The following MEIS1 variants were observed in gnomAD, a reference collection of about 807,000 sequenced individuals.
MEIS1 encodes the protein homeobox protein Meis1.
Under a neutral mutation model 50.8 loss-of-function variants are expected in MEIS1, and 5 were observed. The observed-to-expected ratio is 0.10, with a 90% CI of 0.05 to 0.21. The LOEUF (loss-of-function observed/expected upper bound fraction) is 0.21. MEIS1 is among the 10% of genes least tolerant of loss of function. The probability of loss-of-function intolerance (pLI) is 1.00; values close to 1 mark genes in which losing one functional copy is unlikely to be tolerated. For missense variants in MEIS1, 318 were observed against 517.3 expected (o/e 0.61, Z 3.74); for synonymous variants, 176 against 179.3 (o/e 0.98, Z 0.15).
chr2:66,497,796 G>GT (rs1197175147), intron 7 of MEIS1, among the ~76,000 whole-genome samples: 1 of 152,132 alleles, frequency 6.6e-6, no homozygotes, highest in African/African-American at 2.4e-5. Context: ...CAGAGGGTGA[G>GT]TTATCATAAA....
chr2:66,457,171 T>C (rs1030248827), intron 6 of MEIS1, among the ~76,000 whole-genome samples: 7 of 151,942 alleles, frequency 4.6e-5, no homozygotes, highest in Non-Finnish European at 1.0e-4. Flanking sequence ...ATTTTTTTTT[T>C]TTTTTTTTAG....
chr2:66,471,273 T>C (rs1672755263), intron 7 of MEIS1, among the ~76,000 whole-genome samples: 1 of 152,268 alleles, frequency 6.6e-6, no homozygotes, highest in South Asian at 2.1e-4. Context: ...TTTTTATTTA[T>C]GTGTGAATTC....
At chr2:66,557,732 A>AT (rs1675101741) in intron 9 of MEIS1, among the ~76,000 whole-genome samples, 1 of 152,188 alleles carries the variant, frequency 6.6e-6, no homozygotes, top group Non-Finnish European at 1.5e-5. Context: ...AAGCGTTCAT[A>AT]TACAAGTTTT....
chr2:66,513,289 G>A (rs899310586), intron 8 of MEIS1, among the ~76,000 whole-genome samples: 4 of 152,060 alleles, frequency 2.6e-5, no homozygotes, highest in South Asian at 2.1e-4. Flanking sequence ...AAAATATTTT[G>A]TGTTACTATT....
At chr2:66,509,127 C>A in intron 7 of MEIS1, 1 of 456,748 alleles carries the variant, frequency 2.2e-6, no homozygotes, top group Middle Eastern at 3.3e-4. Flanking sequence ...GCTAAAGGTA[C>A]AATTGACCAT....
intron 7 of MEIS1, among the ~76,000 whole-genome samples, chr2:66,475,278 A>G (rs1441093266): frequency 6.8e-6 from 1 of 146,362 alleles, no homozygotes; most frequent in South Asian, 2.1e-4. Context: ...AATATATTAT[A>G]TATAAAAATA....
intron 2 of MEIS1, chr2:66,439,449 A>G: frequency 7.3e-7 from 1 of 1,363,618 alleles, no homozygotes; most frequent in Non-Finnish European, 9.4e-7. Context: ...GCCCTCCCCA[A>G]CTCTCCGCCC....
chr2:66,464,015 C>G, intron 6 of MEIS1, 94 bp from the exon 7 acceptor site: 1 of 858,584 alleles, frequency 1.2e-6, no homozygotes, highest in Non-Finnish European at 1.9e-6. Flanking sequence ...TTATGTGCTC[C>G]AGCCCTCCAT....
intron 7 of MEIS1, among the ~76,000 whole-genome samples, chr2:66,511,081 G>A (rs77279488): frequency 0.045 from 6,838 of 152,082 alleles, 242 homozygotes; most frequent in East Asian, 0.13. Flanking sequence ...TCAACCTGTC[G>A]GTTTCTAAGA....
At chr2:66,477,683 AG>A (rs1393908616) in intron 7 of MEIS1, among the ~76,000 whole-genome samples, 2 of 152,222 alleles carry the variant, frequency 1.3e-5, no homozygotes, top group African/African-American at 4.8e-5. Flanking sequence ...TCTGAAAATG[AG>A]GTGACTTCCC....
intron 7 of MEIS1, among the ~76,000 whole-genome samples, chr2:66,505,566 C>T (rs1386425496): frequency 6.6e-6 from 1 of 151,984 alleles, no homozygotes; most frequent in East Asian, 1.9e-4. Context: ...GAAGTTTGAG[C>T]TGAGGATCAA....
intron 8 of MEIS1, among the ~76,000 whole-genome samples, chr2:66,521,132 A>G (rs1349744518): frequency 6.6e-6 from 1 of 152,266 alleles, no homozygotes; most frequent in East Asian, 1.9e-4. Context: ...AAAAAAGGCA[A>G]AGAAAGCTAC....
chr2:66,489,338 C>A (rs1347806736), intron 7 of MEIS1, among the ~76,000 whole-genome samples: 2 of 152,148 alleles, frequency 1.3e-5, no homozygotes, highest in Admixed American at 6.5e-5. Flanking sequence ...CCTCTTGGTA[C>A]AATTAGCCTC....
chr2:66,561,110 G>T (rs1007844775), intron 9 of MEIS1, among the ~76,000 whole-genome samples: 3 of 152,084 alleles, frequency 2.0e-5, no homozygotes, highest in Non-Finnish European at 4.4e-5. Context: ...AAAATAAAGA[G>T]TTCCAACAGA....
chr2:66,437,739 C>G lies in MEIS1; in HGVS notation c.15C>G (p.Tyr5Ter). MAQR[Y>*]DDLPHYGGMD... ...TTTCTCTCCTGTTTGTCATGCAGTA[C>G]GACGATCTACCCCATTACGGGGGCA... Residue 5 changes from tyrosine to a stop codon, truncating the protein, a stop_gained and splice_region_variant, in exon 2 of 13, where the codon TAC becomes TAG. Coordinates refer to ENST00000272369, the MANE Select transcript of MEIS1 (RefSeq NM_002398.3). LOFTEE classifies it high-confidence loss of function. 1 of 1,613,786 alleles carries G rather than the reference C, an allele frequency of 6.2e-7. No homozygotes were observed. The highest frequency in any genetic ancestry group is 8.5e-7 in the Non-Finnish European group (1 of 1,179,782).
intron 6 of MEIS1, among the ~76,000 whole-genome samples, chr2:66,456,108 T>C (rs1672381048): frequency 6.6e-6 from 1 of 152,188 alleles, no homozygotes; most frequent in African/African-American, 2.4e-5. Flanking sequence ...GGATTCAATG[T>C]TTGAAAAATT....
chr2:66,529,716 T>C (rs947786977), intron 8 of MEIS1, among the ~76,000 whole-genome samples: 2 of 152,212 alleles, frequency 1.3e-5, no homozygotes, highest in Non-Finnish European at 2.9e-5. Flanking sequence ...TGAGGAAATA[T>C]ACTAAAGGAT....
At chr2:66,490,669 TCA>T (rs1432383967) in intron 7 of MEIS1, among the ~76,000 whole-genome samples, 1 of 152,106 alleles carries the variant, frequency 6.6e-6, no homozygotes, top group East Asian at 1.9e-4. Flanking sequence ...GGGTTGTGAT[TCA>T]CAGAGTTGAA....
intron 7 of MEIS1, among the ~76,000 whole-genome samples, chr2:66,496,556 A>G (rs993936855): frequency 1.3e-5 from 2 of 152,182 alleles, no homozygotes; most frequent in African/African-American, 4.8e-5. Context: ...GCGATACTTG[A>G]AAACCATTTG....
Sources: gnomAD v4.1 joint callset for allele counts (sites outside exome capture counted in the v4.1 genomes callset) on GRCh38, gnomAD v4.1.1 for gene constraint, MANE v1.5 for transcripts, NCBI Gene and HGNC (gene_info 2026-07-23, HGNC 2026-07-21) for gene names.